KIFC3: variants seen among roughly 807,000 people sequenced by gnomAD.
KIFC3 encodes the protein kinesin family member C3, also known as kinesin-like protein KIFC3.
Under a neutral mutation model 101.8 loss-of-function variants are expected in KIFC3, and 60 were observed. The observed-to-expected ratio is 0.59, with a 90% CI of 0.48 to 0.73. The LOEUF is 0.73. Among genes scored for constraint, KIFC3 ranks in the 30% least tolerant of loss-of-function variants. The probability of loss-of-function intolerance (pLI) is 0.00; values close to 1 mark genes in which losing one functional copy is unlikely to be tolerated. For synonymous variants in KIFC3, 476 were observed against 482.7 expected, an observed-to-expected ratio of 0.99 and a Z score of 0.18; for missense variants, 966 against 1,137.1, an observed-to-expected ratio of 0.85 and a Z score of 2.16.
intron 19 of KIFC3, 92 bp downstream of exon 19, chr16:57,759,033 C>CCA: frequency 6.5e-7 from 1 of 1,543,948 alleles, no homozygotes; most frequent in East Asian, 2.4e-5. Flanking sequence ...GGGGCTAGAC[C>CCA]CAGCTCTGAA....
At chr16:57,765,929 T>A in intron 10 of KIFC3, 1 of 352,320 alleles carries the variant, frequency 2.8e-6, no homozygotes, top group Non-Finnish European at 5.2e-6. Context: ...CCCGTCAGGG[T>A]GAGACACCAG....
At chr16:57,761,390 G>C in intron 14 of KIFC3, 23 bp downstream of exon 14, 3 of 1,613,818 alleles carry the variant, frequency 1.9e-6, no homozygotes, top group Non-Finnish European at 2.5e-6. Flanking sequence ...TGTGGCTGTG[G>C]TCAGGGGCTC....
chr16:57,860,043 A>AAAATAAAATAAAATAAAATG (rs2056264974), intron 1 of KIFC3, among the ~76,000 whole-genome samples: 1 of 114,346 alleles, frequency 8.7e-6, no homozygotes, highest in Non-Finnish European at 1.8e-5. Flanking sequence ...AAAATAAAAT[A>AAAATAAAATAAAATAAAATG]AAATAAAATA....
intron 1 of KIFC3, among the ~76,000 whole-genome samples, chr16:57,851,888 T>C (rs1440134485): frequency 2.6e-5 from 4 of 151,984 alleles, no homozygotes; most frequent in Non-Finnish European, 4.4e-5. Flanking sequence ...TACAGGCATG[T>C]ACCACCACAC....
chr16:57,854,584 C>T (rs550622013), intron 1 of KIFC3, among the ~76,000 whole-genome samples: 3 of 150,206 alleles, frequency 2.0e-5, no homozygotes, highest in East Asian at 2.0e-4. Context: ...GTTGAGATCG[C>T]GCCACTCCAC....
intron 3 of KIFC3, chr16:57,785,376 G>A: frequency 1.4e-6 from 1 of 736,994 alleles, no homozygotes; most frequent in Non-Finnish European, 1.8e-6. Context: ...TACACCAGTA[G>A]CCTGGTGGGG....
At chr16:57,787,391 C>G (rs1452534213) in intron 3 of KIFC3, among the ~76,000 whole-genome samples, 4 of 152,254 alleles carry the variant, frequency 2.6e-5, no homozygotes, top group Non-Finnish European at 2.9e-5. Context: ...GAGAGCCCAG[C>G]TCATCCAGAA....
intron 2 of KIFC3, among the ~76,000 whole-genome samples, chr16:57,795,877 C>CTTTTTT (rs1568047538): frequency 2.6e-4 from 21 of 81,150 alleles, no homozygotes; most frequent in African/African-American, 6.7e-4. Flanking sequence ...TTTTTTTGGG[C>CTTTTTT]TTTTTTGTTT....
chr16:57,805,698 CAG>C (rs2054921187), upstream of KIFC3, among the ~76,000 whole-genome samples: 2 of 126,576 alleles, frequency 1.6e-5, no homozygotes, highest in East Asian at 2.2e-4. Context: ...TTTTTTGAGA[CAG>C]AGTCTCACTC....
chr16:57,862,740 C>T, exon 1 of KIFC3: 1 of 1,288,164 alleles, frequency 7.8e-7, no homozygotes, highest in African/African-American at 1.5e-5. Flanking sequence ...TTGCACTGCT[C>T]CGGGACACCA....
chr16:57,758,442 T>C lies in KIFC3; in HGVS notation c.*492A>G. On this transcript the variant is annotated 3_prime_UTR_variant, in exon 20 of 20. Coordinates refer to ENST00000445690, the MANE Select transcript of KIFC3 (RefSeq NM_001130100.2). ...GCACACCCCCCAGCTGCGGGAACCC[T>C]CCTTGAAGGAGAGGGGCGGGGAGGG... is the stretch of plus-strand genomic sequence containing the variant. 2.7e-6 allele frequency: 1 copy of C among 375,680 alleles called. No individual in the cohort carries two copies. The highest frequency in any genetic ancestry group is 5.2e-6 in the Non-Finnish European group (1 of 193,492). The allele number at this position is 375,680 out of a possible 1,614,324, so 23.3% of individuals were successfully genotyped here. A position where few individuals can be genotyped will look rare whatever the true frequency, so the allele number is the denominator to read the frequency against.
Position 57,759,115 on chromosome 16 carries a change from C to A in KIFC3, c.*24+10G>T. Reference sequence around the variant, plus strand: ...GGCGGGCAGCCCTGGGCCACAGGCCCCACACTCACCTAGAGACTCTGCAGC... The same window carrying A: ...GGCGGGCAGCCCTGGGCCACAGGCCACACACTCACCTAGAGACTCTGCAGC... On this transcript the variant is annotated intron_variant, in intron 19 of 19. Coordinates refer to ENST00000445690, the MANE Select transcript of KIFC3 (RefSeq NM_001130100.2). 1 of 1,550,550 alleles carries A rather than the reference C, an allele frequency of 6.4e-7. No homozygotes were observed. The highest frequency in any genetic ancestry group is 2.4e-5 in the East Asian group (1 of 40,938).
exon 1 of KIFC3, chr16:57,862,825 C>T (rs1489525012): frequency 7.0e-6 from 9 of 1,287,748 alleles, no homozygotes; most frequent in Middle Eastern, 2.1e-4. Flanking sequence ...AAAGAAACTC[C>T]ATCTGTGCCA....
At chr16:57,761,669 C>CCTCCTCCAG in intron 13 of KIFC3, 133 bp from the exon 14 acceptor site, 1 of 933,088 alleles carries the variant, frequency 1.1e-6, no homozygotes, top group Non-Finnish European at 1.6e-6. Flanking sequence ...GTGCATCTCT[C>CCTCCTCCAG]CTCCTCCAGC....
chr16:57,850,465 GTTTTTTT>G (rs373157438), intron 1 of KIFC3, among the ~76,000 whole-genome samples: 8,650 of 84,230 alleles, frequency 0.1, 231 homozygotes, highest in South Asian at 0.19. Context: ...TTTAAAAAGG[GTTTTTTT>G]TTTTTTTTTT....
At chr16:57,790,464 A>G (rs1481526838) in intron 3 of KIFC3, among the ~76,000 whole-genome samples, 1 of 147,794 alleles carries the variant, frequency 6.8e-6, no homozygotes, top group Non-Finnish European at 1.5e-5. Flanking sequence ...TGTGACCTTT[A>G]AATTCAAAAC....
At chr16:57,802,495 G>T, upstream of KIFC3, 1 of 983,576 alleles carries the variant, frequency 1.0e-6, no homozygotes, top group Middle Eastern at 5.2e-4. The surrounding 1 kb of genome is among the most constrained non-coding windows in gnomAD (Gnocchi z 5.0). Flanking sequence ...CGCCCCTCCC[G>T]CACACTTTCC....
In KIFC3 at chr16:57,769,768, C is replaced by T. The variant is rs12148935; in HGVS notation, c.1087+40G>A. On this transcript the variant is annotated intron_variant, in intron 8 of 19. Coordinates refer to ENST00000445690, the MANE Select transcript of KIFC3 (RefSeq NM_001130100.2). This position sits in a 1 kb window ranked among gnomAD's most constrained non-coding sequence, Gnocchi z 4.3. ...CTGTGAGGCGGGAGGGGATGAGGGGCCGCGGCGTGGGGCAGACAGGGCCCA... is the reference window on the plus strand; with the variant it reads ...CTGTGAGGCGGGAGGGGATGAGGGGTCGCGGCGTGGGGCAGACAGGGCCCA... 126,446 of 1,612,148 alleles carry T rather than the reference C, an allele frequency of 0.078. 5,371 individuals carry two copies. The highest frequency in any genetic ancestry group is 0.12 in the South Asian group (10,743 of 91,022).
At chr16:57,774,688 AAT>A in intron 3 of KIFC3, 1 of 307,224 alleles carries the variant, frequency 3.3e-6, no homozygotes, top group Non-Finnish European at 5.5e-6. Context: ...ACGCCCGGCT[AAT>A]TTTTTTTTTT....
Sources: allele counts gnomAD v4.1 joint callset (sites outside exome capture counted in the v4.1 genomes callset), GRCh38; gene constraint gnomAD v4.1.1; non-coding constraint Gnocchi (gnomAD v3.1); transcripts MANE v1.5; gene names NCBI Gene and HGNC (gene_info 2026-07-23, HGNC 2026-07-21).